ELAPOR2: variants seen among roughly 807,000 people sequenced by gnomAD.
ELAPOR2 encodes the protein endosome/lysosome-associated apoptosis and autophagy regulator family member 2.
ELAPOR2 carries 89 observed loss-of-function variants against 120.7 expected under a neutral mutation model. The ratio of observed to expected loss-of-function variants is 0.74; its 90% CI spans 0.62 to 0.88. The LOEUF is 0.88. ELAPOR2 is among the 40% of genes least tolerant of loss of function. ELAPOR2 has a pLI of 0.00. For synonymous variants in ELAPOR2, 444 were observed against 444.9 expected, an observed-to-expected ratio of 1.00 and a Z score of 0.03; for missense variants, 1,134 against 1,251.6, an observed-to-expected ratio of 0.91 and a Z score of 1.42.
In ELAPOR2 at chr7:87,059,619, C is replaced by T; in HGVS notation, c.-106G>A. ...ACTGCTGTGCGCTCGTCTCGCCGCT[C>T]CGTCACCCGCTGCCCGTCCGCCCGC... On this transcript the variant is annotated 5_prime_UTR_variant, in exon 1 of 22. Transcript: ENST00000450689. 1 of 1,084,910 alleles carries T rather than the reference C, an allele frequency of 9.2e-7. No homozygotes were observed. Among genetic ancestry groups the T allele is most frequent in the South Asian group, 4.5e-5 (1 of 22,166 alleles). 67.2% of individuals were successfully genotyped at this position (1,084,910 alleles called of 1,614,324 possible). A position where few individuals can be genotyped will look rare whatever the true frequency, so the allele number is the denominator to read the frequency against.
chr7:87,046,109 C>T (rs961028480), intron 1 of ELAPOR2, among the ~76,000 whole-genome samples: 34 of 152,158 alleles, frequency 2.2e-4, no homozygotes, highest in Non-Finnish European at 1.3e-4. Flanking sequence ...AACAAGGTTG[C>T]AGGATACACA....
At chr7:86,918,658 C>A in intron 11 of ELAPOR2, 114 bp from the exon 12 acceptor site, 1 of 663,164 alleles carries the variant, frequency 1.5e-6, no homozygotes, top group South Asian at 1.9e-5. Flanking sequence ...TTCCTCTAAT[C>A]TACCACTTCC....
intron 1 of ELAPOR2, among the ~76,000 whole-genome samples, chr7:86,990,194 C>T (rs1466949260): frequency 6.6e-6 from 1 of 152,086 alleles, no homozygotes; most frequent in Non-Finnish European, 1.5e-5. Context: ...CTACAGGCAC[C>T]TGCCACCACG....
chr7:87,003,075 C>G (rs953791868), intron 1 of ELAPOR2, among the ~76,000 whole-genome samples: 1 of 152,136 alleles, frequency 6.6e-6, no homozygotes, highest in Non-Finnish European at 1.5e-5. Context: ...TAGAGTCACA[C>G]AGGTTCTACA....
rs1788168763 is a variant in ELAPOR2 at position 86,891,779 on chromosome 7, A to C, written c.2975T>G (p.Val992Gly). The part of the protein sequence containing the change: ...IMEGEDNEEE[V>G]VYSNKQSLLG... ...TAGTGACTGTTTATTGGAATATACA[A>C]CTTCCTCTTCATTATCTTCTCCTTC... The change falls in exon 21 of 22, where the codon GTT becomes GGT. Residue 992 changes from valine to glycine, a missense_variant. Around this residue, in one of 3 missense-constraint regions of ELAPOR2, gnomAD observed 831 missense variants for 867.6 expected, o/e 0.96. Transcript: ENST00000450689. The C allele has an allele frequency of 1.2e-6, 2 of 1,609,222 alleles. No individual in the cohort carries two copies. Among genetic ancestry groups the C allele is most frequent in the Admixed American group, 1.7e-5 (1 of 59,786 alleles).
intron 1 of ELAPOR2, among the ~76,000 whole-genome samples, chr7:87,020,493 T>C (rs1445464130): frequency 6.6e-6 from 1 of 152,066 alleles, no homozygotes; most frequent in African/African-American, 2.4e-5. Context: ...TCTAAAATAC[T>C]ATATTGTCAA....
intron 1 of ELAPOR2, among the ~76,000 whole-genome samples, chr7:86,988,115 C>A (rs751137720): frequency 5.9e-5 from 9 of 152,152 alleles, no homozygotes; most frequent in Non-Finnish European, 1.2e-4. Flanking sequence ...CCAAACACCG[C>A]ATGTTCTCAC....
At chr7:86,950,150 G>T (rs1022150336) in intron 2 of ELAPOR2, among the ~76,000 whole-genome samples, 7 of 152,214 alleles carry the variant, frequency 4.6e-5, no homozygotes, top group African/African-American at 1.4e-4. Flanking sequence ...AACAGTAGCT[G>T]AGACACCCTG....
chr7:86,922,522 C>T (rs942313989), intron 10 of ELAPOR2, among the ~76,000 whole-genome samples: 4 of 151,768 alleles, frequency 2.6e-5, no homozygotes, highest in Admixed American at 6.6e-5. Context: ...TTTCTTTCAA[C>T]GCATACATGT....
chr7:87,042,035 G>C (rs1196922705), intron 1 of ELAPOR2, among the ~76,000 whole-genome samples: 10 of 150,822 alleles, frequency 6.6e-5, no homozygotes, highest in African/African-American at 2.5e-4. Flanking sequence ...TAATGGTAAA[G>C]GGATCAATTC....
At chr7:86,889,979 A>T (rs1214960713) in intron 21 of ELAPOR2, among the ~76,000 whole-genome samples, 1 of 151,806 alleles carries the variant, frequency 6.6e-6, no homozygotes, top group Non-Finnish European at 1.5e-5. Flanking sequence ...TCTTGGTGAG[A>T]TGACTTCTGC....
In ELAPOR2 at chr7:86,891,846, T is replaced by A; in HGVS notation, c.2908A>T (p.Lys970Ter). 6.2e-7 allele frequency: 1 copy of A among 1,611,110 alleles called. No individual in the cohort carries two copies. Among genetic ancestry groups the A allele is most frequent in the Non-Finnish European group, 8.5e-7 (1 of 1,178,280 alleles). ...TCTGCAGCCGGGAGTTCACACTCTT[T>A]TGAGTTAGTCGTCATTACTAACTTG... ...YSKLVMTTNS[K>*]ECELPAADSC... The change falls in exon 21 of 22, where the codon AAA becomes TAA. Residue 970 changes from lysine to a stop codon, truncating the protein, a stop_gained. Transcript: ENST00000450689. LOFTEE classifies it high-confidence loss of function.
At chr7:86,987,712 G>GA (rs1221407903) in intron 1 of ELAPOR2, among the ~76,000 whole-genome samples, 5 of 151,720 alleles carry the variant, frequency 3.3e-5, no homozygotes, top group African/African-American at 1.2e-4. Flanking sequence ...TGCTGGAGAG[G>GA]ATGTGGAGAA....
At chr7:87,015,566 C>G (rs1449485443) in intron 1 of ELAPOR2, among the ~76,000 whole-genome samples, 4 of 152,114 alleles carry the variant, frequency 2.6e-5, no homozygotes, top group Non-Finnish European at 5.9e-5. Flanking sequence ...GCAGGTGGAT[C>G]ACATGAGGCC....
intron 1 of ELAPOR2, among the ~76,000 whole-genome samples, chr7:87,023,408 T>G (rs1440270400): frequency 2.0e-5 from 3 of 152,238 alleles, no homozygotes; most frequent in Non-Finnish European, 4.4e-5. Flanking sequence ...GGCTCTGTTC[T>G]GTTCCATTGG....
At chr7:87,037,804 G>A (rs955372533) in intron 1 of ELAPOR2, among the ~76,000 whole-genome samples, 3 of 152,162 alleles carry the variant, frequency 2.0e-5, no homozygotes, top group Non-Finnish European at 4.4e-5. Flanking sequence ...TGTTATACAT[G>A]TTATTTTCTT....
At chr7:86,980,391 C>T (rs1252153551) in intron 1 of ELAPOR2, among the ~76,000 whole-genome samples, 1 of 152,122 alleles carries the variant, frequency 6.6e-6, no homozygotes, top group African/African-American at 2.4e-5. Context: ...GAGGCAGTTC[C>T]CTCTTTTATT....
At chr7:87,039,085 C>A (rs943195881) in intron 1 of ELAPOR2, among the ~76,000 whole-genome samples, 1 of 151,788 alleles carries the variant, frequency 6.6e-6, no homozygotes, top group Non-Finnish European at 1.5e-5. Context: ...GAAGACATTA[C>A]AACTGATACT....
intron 1 of ELAPOR2, among the ~76,000 whole-genome samples, chr7:87,023,972 C>T (rs1456176843): frequency 1.3e-5 from 2 of 152,216 alleles, no homozygotes; most frequent in South Asian, 2.1e-4. Context: ...TGGGCTGAGA[C>T]GATGGGGTTT....
Sources: allele counts gnomAD v4.1 joint callset (sites outside exome capture counted in the v4.1 genomes callset), GRCh38; gene constraint gnomAD v4.1.1; regional missense constraint gnomAD v4.1.1; transcripts MANE v1.5; gene names NCBI Gene and HGNC (gene_info 2026-07-23, HGNC 2026-07-21).